GSR: variants seen among roughly 807,000 people sequenced by gnomAD.
The protein encoded by GSR is glutathione-disulfide reductase.
Under a neutral mutation model 56.5 loss-of-function variants are expected in GSR, and 48 were observed. That is an observed-to-expected ratio of 0.85 (90% CI 0.67 to 1.08). GSR has a LOEUF of 1.08. Among genes scored for constraint, GSR ranks in the 50% least tolerant of loss-of-function variants. The probability of loss-of-function intolerance (pLI) is 0.00; values close to 1 mark genes in which losing one functional copy is unlikely to be tolerated. For missense variants in GSR, 694 were observed against 703.3 expected (o/e 0.99, Z 0.15); for synonymous variants, 264 against 270.8 (o/e 0.97, Z 0.25).
intron 1 of GSR, among the ~76,000 whole-genome samples, chr8:30,719,079 G>A (rs1326674051): frequency 6.9e-6 from 1 of 144,962 alleles, no homozygotes; most frequent in Non-Finnish European, 1.5e-5. Flanking sequence ...ACAGGTGCCC[G>A]CCACCACGCC....
chr8:30,723,336 C>A (rs1410555011), intron 1 of GSR, among the ~76,000 whole-genome samples: 1 of 152,032 alleles, frequency 6.6e-6, no homozygotes, highest in African/African-American at 2.4e-5. Flanking sequence ...ACTTGAAATG[C>A]TGAATTCAAG....
intron 1 of GSR, among the ~76,000 whole-genome samples, chr8:30,724,644 G>A (rs912794267): frequency 2.1e-5 from 3 of 142,890 alleles, no homozygotes; most frequent in Non-Finnish European, 4.5e-5. Flanking sequence ...TGCCTCCTGG[G>A]CTCAAGTGAT....
intron 8 of GSR, among the ~76,000 whole-genome samples, chr8:30,690,641 G>C (rs1803348790): frequency 6.6e-6 from 1 of 152,156 alleles, no homozygotes. Context: ...GAGGCTGTGT[G>C]GGGGAAGGGA....
intron 12 of GSR, among the ~76,000 whole-genome samples, chr8:30,680,381 G>GTTTTGTTTTTTTTTTTTTTTTTT (rs1480095900): frequency 6.0e-5 from 2 of 33,378 alleles, no homozygotes; most frequent in African/African-American, 9.5e-5. Context: ...GGCCTCTCCT[G>GTTTTGTTTTTTTTTTTTTTTTTT]TTTTTTTTTT....
intron 7 of GSR, among the ~76,000 whole-genome samples, chr8:30,695,975 G>T (rs1390547994): frequency 6.6e-6 from 1 of 152,162 alleles, no homozygotes; most frequent in Admixed American, 6.5e-5. Flanking sequence ...AGGAGGCAGA[G>T]GTTGCAGTGA....
chr8:30,699,185 G>A (rs1424709288), intron 6 of GSR, among the ~76,000 whole-genome samples: 1 of 152,008 alleles, frequency 6.6e-6, no homozygotes, highest in Non-Finnish European at 1.5e-5. Flanking sequence ...CAGCTACTCG[G>A]GAGGCTGAGG....
intron 9 of GSR, among the ~76,000 whole-genome samples, chr8:30,686,786 A>G (rs1296292488): frequency 6.6e-6 from 1 of 152,054 alleles, no homozygotes; most frequent in African/African-American, 2.4e-5. Context: ...TGAAAGGTGA[A>G]AAGCTGAATG....
chr8:30,692,956 C>T lies in GSR; in HGVS notation c.882+13G>A, dbSNP rs1470617920. ...ACTGGGGGCCGCGTGCATGCCTGGGCTTGGCACTGTACCTGGGAGAACTTC... is the reference window on the plus strand; with the variant it reads ...ACTGGGGGCCGCGTGCATGCCTGGGTTTGGCACTGTACCTGGGAGAACTTC... On this transcript the variant is annotated intron_variant, in intron 8 of 12. Coordinates refer to ENST00000221130, the MANE Select transcript of GSR (RefSeq NM_000637.5). The T allele has an allele frequency of 2.5e-6, 4 of 1,573,506 alleles. No homozygotes were observed. In the South Asian group the frequency reaches 3.3e-5, roughly 13 times the overall value.
At chr8:30,717,894 GT>G (rs1804391891) in intron 1 of GSR, among the ~76,000 whole-genome samples, 1 of 152,074 alleles carries the variant, frequency 6.6e-6, no homozygotes, top group South Asian at 2.1e-4. Context: ...GAGGTCAGGA[GT>G]TCAAGACCAG....
chr8:30,725,256 A>G (rs1804685023), intron 1 of GSR, among the ~76,000 whole-genome samples: 1 of 152,092 alleles, frequency 6.6e-6, no homozygotes. Context: ...CAGTTTGGGC[A>G]ACATGGCAAA....
rs1430550662 is a variant in GSR, at chr8:30,718,693, C to T, written c.307-6605G>A. On this transcript the variant is annotated intron_variant, in intron 1 of 12. Coordinates refer to ENST00000221130, the MANE Select transcript of GSR (RefSeq NM_000637.5). ...GCACATTGCTAAGACCCTCAGCATACAACACTGGCAGATTCCCCGGTTCTC... is the reference window on the plus strand; with the variant it reads ...GCACATTGCTAAGACCCTCAGCATATAACACTGGCAGATTCCCCGGTTCTC... Among the ~76,000 whole-genome samples, 10 of 152,240 alleles carry T rather than the reference C, an allele frequency of 6.6e-5. No homozygotes were observed. In the East Asian group the frequency reaches 1.7e-3, roughly 26 times the overall value.
In GSR at chr8:30,680,001, G is replaced by C. The variant is rs184720875; in HGVS notation, c.1420-332C>G. On this transcript the variant is annotated intron_variant, in intron 12 of 12. Coordinates refer to ENST00000221130, the MANE Select transcript of GSR (RefSeq NM_000637.5). ...ATTACAGGGGTGAGCCACGGTGTCT[G>C]ACTGATATTGTGATCTTAATTGAAC... is the stretch of plus-strand genomic sequence containing the variant. 2.7e-4 allele frequency among the ~76,000 whole-genome samples: 41 copies of C among 152,192 alleles called. No homozygotes were observed. The East Asian group carries it at 6.6e-3, about 24-fold the overall frequency.
chr8:30,721,151 G>T (rs1323362953), intron 1 of GSR, among the ~76,000 whole-genome samples: 2 of 151,538 alleles, frequency 1.3e-5, no homozygotes, highest in African/African-American at 4.8e-5. Context: ...CCGGGGAGAA[G>T]AAGAAAGAGT....
At chr8:30,718,564 A>G (rs948045949) in intron 1 of GSR, among the ~76,000 whole-genome samples, 2 of 152,118 alleles carry the variant, frequency 1.3e-5, no homozygotes, top group Non-Finnish European at 2.9e-5. Context: ...TAAATTCCCC[A>G]GGGGCCTTCC....
chr8:30,718,087 G>A (rs1257487863), intron 1 of GSR, among the ~76,000 whole-genome samples: 1 of 149,272 alleles, frequency 6.7e-6, no homozygotes, highest in Admixed American at 6.9e-5. Context: ...GGCAACAAGA[G>A]TGAAATTCTG....
intron 8 of GSR, among the ~76,000 whole-genome samples, chr8:30,692,368 GT>G (rs34123148): frequency 0.01 from 1,511 of 149,966 alleles, 24 homozygotes; most frequent in African/African-American, 0.035. Context: ...AGCTAATTTT[GT>G]ATTTTTGGTA....
intron 6 of GSR, among the ~76,000 whole-genome samples, 156 bp from the exon 7 acceptor site, chr8:30,696,635 T>C (rs1256464849): frequency 6.6e-6 from 1 of 152,240 alleles, no homozygotes; most frequent in Non-Finnish European, 1.5e-5. Context: ...TTAGGATACC[T>C]TTGTCAAAAT....
At chr8:30,705,610 T>C (rs1410268104) in intron 4 of GSR, among the ~76,000 whole-genome samples, 1 of 152,128 alleles carries the variant, frequency 6.6e-6, no homozygotes, top group Non-Finnish European at 1.5e-5. Context: ...ACAGTGCTTA[T>C]AGCCCAAGCT....
chr8:30,711,952 T>G lies in GSR; in HGVS notation c.333+110A>C, dbSNP rs929067020. 12 of 695,420 alleles carry G rather than the reference T, an allele frequency of 1.7e-5. No individual in the cohort carries two copies. The African/African-American group carries it at 2.0e-4, about 11-fold the overall frequency. 43.1% of individuals were successfully genotyped at this position (695,420 alleles called of 1,614,324 possible). ...GCTACTTTTAGTAGGGTCTAGGGGT[T>G]TTTTTTGCAGAAAGAATTTTAACTG... On this transcript the variant is annotated intron_variant, in intron 2 of 12. Coordinates refer to ENST00000221130, the MANE Select transcript of GSR (RefSeq NM_000637.5).
Sources: gnomAD v4.1 joint callset for allele counts (sites outside exome capture counted in the v4.1 genomes callset) on GRCh38, gnomAD v4.1.1 for gene constraint, MANE v1.5 for transcripts, NCBI Gene and HGNC (gene_info 2026-07-23, HGNC 2026-07-21) for gene names.